The following COL4A1 variants were observed in gnomAD, a reference collection of about 807,000 sequenced individuals.
The protein encoded by COL4A1 is collagen alpha-1(IV) chain.
A neutral mutation model predicts 216.6 loss-of-function variants in COL4A1; 40 were observed. That is an observed-to-expected ratio of 0.18 (90% CI 0.14 to 0.24). The LOEUF (loss-of-function observed/expected upper bound fraction) is 0.24, where lower values mean the gene tolerates loss of function less well. COL4A1 is among the 10% of genes least tolerant of loss of function. COL4A1 has a pLI of 1.00. For synonymous variants in COL4A1, 839 were observed against 810.7 expected, an observed-to-expected ratio of 1.03 and a Z score of -0.59; for missense variants, 1,628 against 2,196.8, an observed-to-expected ratio of 0.74 and a Z score of 5.18.
chr13:110,208,920 T>C (rs775324744), intron 11 of COL4A1, 30 bp from the exon 12 acceptor site: 1 of 1,609,092 alleles, frequency 6.2e-7, no homozygotes, highest in East Asian at 2.2e-5. Context: ...CTCTCATTAT[T>C]AGATTTGTCT....
At chr13:110,178,260 T>C (rs1189541211) in intron 31 of COL4A1, 29 bp from the exon 32 acceptor site, 2 of 1,612,674 alleles carry the variant, frequency 1.2e-6, no homozygotes, top group Non-Finnish European at 1.7e-6. Flanking sequence ...CAAATAACTT[T>C]TAGCAGAATT....
At chr13:110,152,041 GCT>G (rs1566332184) in intron 51 of COL4A1, among the ~76,000 whole-genome samples, 1 of 152,146 alleles carries the variant, frequency 6.6e-6, no homozygotes, top group Non-Finnish European at 1.5e-5. Context: ...TTTCAAACAT[GCT>G]CTGTTTGGAG....
chr13:110,237,394 C>G (rs932666175), intron 2 of COL4A1, among the ~76,000 whole-genome samples: 2 of 152,250 alleles, frequency 1.3e-5, no homozygotes, highest in South Asian at 2.1e-4. Context: ...CCCCACCCCC[C>G]GCCAGGAGAC....
At chr13:110,297,987 T>C (rs1050414312) in intron 1 of COL4A1, among the ~76,000 whole-genome samples, 21 of 150,606 alleles carry the variant, frequency 1.4e-4, no homozygotes, top group Admixed American at 9.9e-4. Flanking sequence ...CCTAGGACAA[T>C]ACCCAAAGTT....
At chr13:110,280,373 C>T (rs1413321550) in intron 1 of COL4A1, among the ~76,000 whole-genome samples, 3 of 152,218 alleles carry the variant, frequency 2.0e-5, no homozygotes, top group Non-Finnish European at 4.4e-5. Flanking sequence ...AAGTGAAATG[C>T]CTTTAGGAGT....
chr13:110,306,958 G>T lies in COL4A1; in HGVS notation c.70C>A (p.Arg24=). 1.4e-6 allele frequency: 2 copies of T among 1,475,288 alleles called. No individual in the cohort carries two copies. Among genetic ancestry groups the T allele is most frequent in the Non-Finnish European group, 1.8e-6 (2 of 1,118,282 alleles). The allele number at this position is 1,475,288 out of a possible 1,614,324, so 91.4% of individuals were successfully genotyped here. A position where few individuals can be genotyped will look rare whatever the true frequency, so the allele number is the denominator to read the frequency against. Residue 24 remains arginine, a synonymous_variant, in exon 1 of 52, where the codon CGG becomes AGG. Transcript: ENST00000375820. ...CGGGAACTCACCTTCGCAGCGGCCC[G>T]GCTGTGCTCCTCGTGGAGCAGAAGG... ...AALLLHEEHS[R]AAAKGGCAGS...
intron 1 of COL4A1, among the ~76,000 whole-genome samples, chr13:110,249,188 G>A (rs1225256376): frequency 6.6e-6 from 1 of 152,124 alleles, no homozygotes; most frequent in Non-Finnish European, 1.5e-5. Flanking sequence ...TTCTGCGGGG[G>A]TGTGGCAAAG....
chr13:110,235,429 T>G (rs533268450), intron 2 of COL4A1, among the ~76,000 whole-genome samples: 21 of 152,232 alleles, frequency 1.4e-4, no homozygotes, highest in Middle Eastern at 3.4e-3. Flanking sequence ...GGCGGGCGGA[T>G]CACAAGGTCA....
chr13:110,171,971 AAC>A (rs1207168898), intron 41 of COL4A1, among the ~76,000 whole-genome samples: 2 of 152,174 alleles, frequency 1.3e-5, no homozygotes, highest in African/African-American at 4.8e-5. Flanking sequence ...CTGCCAAGGA[AAC>A]ACTCTGGGCT....
At chr13:110,203,091 C>T (rs746607360) in intron 18 of COL4A1, among the ~76,000 whole-genome samples, 10 of 151,898 alleles carry the variant, frequency 6.6e-5, no homozygotes, top group Non-Finnish European at 1.2e-4. Flanking sequence ...CGGGCACCTG[C>T]GATCACAGCT....
At chr13:110,192,782 C>A (rs1383390017) in intron 23 of COL4A1, 48 bp downstream of exon 23, 3 of 1,540,144 alleles carry the variant, frequency 1.9e-6, no homozygotes, top group Non-Finnish European at 2.7e-6. Flanking sequence ...AAGATGCCAA[C>A]ACACCAAAGC....
chr13:110,241,238 G>A (rs1280188155), intron 2 of COL4A1, among the ~76,000 whole-genome samples: 1 of 152,194 alleles, frequency 6.6e-6, no homozygotes, highest in Non-Finnish European at 1.5e-5. Context: ...GAGCCAGGAG[G>A]GGCCGCCAAG....
chr13:110,201,282 G>A (rs944451960), intron 19 of COL4A1, 156 bp downstream of exon 19: 4 of 568,824 alleles, frequency 7.0e-6, no homozygotes, highest in African/African-American at 3.9e-5. Flanking sequence ...GGAGGGGGAG[G>A]AGGAAGAGAA....
chr13:110,214,983 G>A, intron 2 of COL4A1, among the ~76,000 whole-genome samples: 1 of 152,200 alleles, frequency 6.6e-6, no homozygotes, highest in East Asian at 1.9e-4. Context: ...TCCTTTATAT[G>A]TACTTAATGC....
At chr13:110,158,076 ATCAG>A (rs2138423820) in intron 49 of COL4A1, among the ~76,000 whole-genome samples, 1 of 152,384 alleles carries the variant, frequency 6.6e-6, no homozygotes, top group East Asian at 1.9e-4. Flanking sequence ...CCTTCTAGTT[ATCAG>A]GCATGGTTCT....
intron 21 of COL4A1, among the ~76,000 whole-genome samples, chr13:110,198,203 A>G (rs1878996632): frequency 6.6e-6 from 1 of 151,938 alleles, no homozygotes; most frequent in African/African-American, 2.4e-5. Context: ...TTTGCTTTTT[A>G]ACTTTAGATG....
At chr13:110,261,832 GT>G (rs1882840853) in intron 1 of COL4A1, among the ~76,000 whole-genome samples, 1 of 152,220 alleles carries the variant, frequency 6.6e-6, no homozygotes, top group African/African-American at 2.4e-5. Flanking sequence ...CCTGCCACTT[GT>G]TCATTCAGAG....
chr13:110,253,104 T>G lies in COL4A1; in HGVS notation c.85-10370A>C, dbSNP rs12019912. Reference sequence around the variant, plus strand: ...TAAGTACGTATGTATTACATATACATATAACTATATGTACGTATGTATTAT... The same window carrying G: ...TAAGTACGTATGTATTACATATACAGATAACTATATGTACGTATGTATTAT... On this transcript the variant is annotated intron_variant, in intron 1 of 51. Transcript: ENST00000375820. Among the ~76,000 whole-genome samples the G allele has an allele frequency of 6.3e-5, 3 of 47,930 alleles. 1 individual carries two copies. Among genetic ancestry groups the G allele is most frequent in the Non-Finnish European group, 1.4e-4 (2 of 14,262 alleles). The allele number at this position is 47,930 out of a possible 152,430, so 31.4% of individuals were successfully genotyped here.
Position 110,179,051 on chromosome 13 carries a change from T to G in COL4A1, c.2345-15A>C, listed in dbSNP as rs752641076. 3 of 1,603,314 alleles carry G rather than the reference T, an allele frequency of 1.9e-6. No homozygotes were observed. Among genetic ancestry groups the G allele is most frequent in the Non-Finnish European group, 2.6e-6 (3 of 1,174,682 alleles). ...TCCCGGTTCACCTGGAGAAGAAAAA[T>G]TGAGAGTAAGCTGTACAGGAGCAGT... On this transcript the variant is annotated splice_polypyrimidine_tract_variant and intron_variant, in intron 30 of 51. Transcript: ENST00000375820.
Sources: gnomAD v4.1 joint callset for allele counts (sites outside exome capture counted in the v4.1 genomes callset) on GRCh38, gnomAD v4.1.1 for gene constraint, MANE v1.5 for transcripts, NCBI Gene and HGNC (gene_info 2026-07-23, HGNC 2026-07-21) for gene names.